The following ITGA7 variants were observed in gnomAD, a reference collection of about 807,000 sequenced individuals.
The protein encoded by ITGA7 is integrin subunit alpha 7.
ITGA7 carries 84 observed loss-of-function variants against 131.6 expected under a neutral mutation model. The ratio of observed to expected loss-of-function variants is 0.64; its 90% CI spans 0.54 to 0.77. The LOEUF (loss-of-function observed/expected upper bound fraction) is 0.77, where lower values mean the gene tolerates loss of function less well. Ranked by LOEUF, ITGA7 falls within the 30% of genes least tolerant of loss-of-function variation. The pLI, the probability that ITGA7 is intolerant of heterozygous loss-of-function variation, is 0.00. For synonymous variants in ITGA7, 548 were observed against 600.7 expected, an observed-to-expected ratio of 0.91 and a Z score of 1.28; for missense variants, 1,399 against 1,482.9, an observed-to-expected ratio of 0.94 and a Z score of 0.93.
At chr12:55,693,343 G>A (rs1312994815) in intron 19 of ITGA7, 26 bp from the exon 20 acceptor site, 2 of 1,583,090 alleles carry the variant, frequency 1.3e-6, no homozygotes, top group Non-Finnish European at 8.7e-7. Context: ...AGTATGAGGG[G>A]AGAGACCTCA....
At position 55,698,375 on chromosome 12, in the gene ITGA7, C is replaced by T. The variant is rs747755175; in HGVS notation, c.1192+8G>A. ...CCCTCCCTGAGCCTTTCCAGTTCCC[C>T]GTCACACCTGGAAAGCCATCTTGGT... On this transcript the variant is annotated splice_region_variant and intron_variant, in intron 7 of 24. Transcript: ENST00000257879. The T allele has an allele frequency of 2.0e-5, 32 of 1,606,190 alleles. No homozygotes were observed. In the East Asian group the frequency reaches 6.5e-4, roughly 33 times the overall value.
chr12:55,696,212 T>C, intron 13 of ITGA7, 71 bp downstream of exon 13: 1 of 1,483,938 alleles, frequency 6.7e-7, no homozygotes, highest in Non-Finnish European at 9.1e-7. Context: ...TGAATTGGTG[T>C]CACTGGGGAG....
rs200714716 is a variant in ITGA7, at chr12:55,697,787, G to A, written c.1317C>T (p.Phe439=). 1.9e-4 allele frequency: 303 copies of A among 1,613,992 alleles called. 1 individual carries two copies. The highest frequency in any genetic ancestry group is 2.2e-4 in the Non-Finnish European group (265 of 1,180,020). Residue 439 remains phenylalanine, a synonymous_variant, in exon 9 of 25, where the codon TTC becomes TTT. Coordinates refer to ENST00000257879, the MANE Select transcript of ITGA7 (RefSeq NM_002206.3). ...CCAAGCTGCCTGACAGGGAGTAGCCGAAGCTCTTGATGCCCACAGCCTCGC... is the reference window on the plus strand; with the variant it reads ...CCAAGCTGCCTGACAGGGAGTAGCCAAAGCTCTTGATGCCCACAGCCTCGC... ...LEGEAVGIKS[F]GYSLSGSLDM...
At chr12:55,698,646 C>G in intron 6 of ITGA7, 64 bp downstream of exon 6, 3 of 1,612,482 alleles carry the variant, frequency 1.9e-6, no homozygotes, top group South Asian at 1.1e-5. Flanking sequence ...GCTAAGTGGC[C>G]TCAGCCAGAC....
chr12:55,716,053 T>C (rs775929732), upstream of ITGA7: 15 of 1,554,362 alleles, frequency 9.7e-6, no homozygotes, highest in African/African-American at 1.2e-4. Flanking sequence ...TCACGTGACA[T>C]GGCCCCGGGG....
At position 55,695,571 on chromosome 12, in the gene ITGA7, C is replaced by A. The variant is rs372579627; in HGVS notation, c.1954G>T (p.Ala652Ser). The change falls in exon 14 of 25, where the codon GCC (alanine) becomes TCC (serine). Residue 652 changes from alanine to serine, a missense_variant. Ala to Ser is a moderately conservative substitution (Grantham distance 99). Coordinates refer to ENST00000257879, the MANE Select transcript of ITGA7 (RefSeq NM_002206.3). ...TCGCTGACCCGGGTACAGAAGCGGG[C>A]GCGGACCAGCTGCAGATTGCTCTGG... ...ICQSNLQLVR[A>S]RFCTRVSDTE... The A allele has an allele frequency of 8.1e-6, 13 of 1,613,536 alleles. No homozygotes were observed. The highest frequency in any genetic ancestry group is 1.3e-5 in the African/African-American group (1 of 74,718).
chr12:55,697,427 AGGTGCC>A lies in ITGA7; in HGVS notation c.1505+18_1505+23del. 1 of 1,609,558 alleles carries A rather than the reference AGGTGCC, an allele frequency of 6.2e-7. No homozygotes were observed. Among genetic ancestry groups the A allele is most frequent in the African/African-American group, 1.3e-5 (1 of 74,962 alleles). On this transcript the variant is annotated intron_variant, in intron 10 of 24. Transcript: ENST00000257879. ...AGGGCAGGGGAAGCTGCCAGGGTCC[AGGTGCC>A]ACCCGATCCCACCTCACCAGACCGA... is the stretch of plus-strand genomic sequence containing the variant.
chr12:55,686,164 C>CCA (rs745475803), intron 24 of ITGA7: 1 of 1,156,684 alleles, frequency 8.6e-7, no homozygotes. Context: ...ACATACATAC[C>CCA]CACACACACT....
Position 55,703,119 on chromosome 12 carries a change from C to G in ITGA7, c.266G>C (p.Gly89Ala). ...GCTCAACGGGCAAGCGAAGAGGCCT[C>G]CAGTGCGATTCGCCTGCTGCCCAGG... ...ALPGQQANRT[G>A]GLFACPLSLE... Residue 89 changes from glycine (G) to alanine (A), a missense_variant, in exon 2 of 25, where the codon GGA becomes GCA. Physicochemically the swap from Gly to Ala is moderately conservative, Grantham distance 60 (BLOSUM62 0). Transcript: ENST00000257879. 6.2e-7 allele frequency: 1 copy of G among 1,613,856 alleles called. No homozygotes were observed. The highest frequency in any genetic ancestry group is 8.5e-7 in the Non-Finnish European group (1 of 1,180,036).
At chr12:55,685,872 G>A (rs1297230967) in intron 24 of ITGA7, among the ~76,000 whole-genome samples, 1 of 152,170 alleles carries the variant, frequency 6.6e-6, no homozygotes, top group Non-Finnish European at 1.5e-5. Context: ...CAGAGGCCCA[G>A]GACTCCTACA....
At chr12:55,691,943 C>T (rs1033301213) in intron 21 of ITGA7, among the ~76,000 whole-genome samples, 2 of 152,250 alleles carry the variant, frequency 1.3e-5, no homozygotes, top group Non-Finnish European at 2.9e-5. Context: ...ATTCTCACTG[C>T]GAGCCCCATC....
At position 55,684,845 on chromosome 12, in the gene ITGA7, G is replaced by A. The variant is rs1869722330; in HGVS notation, c.*213C>T. Reference sequence around the variant, plus strand: ...CCTTCTCACCCTACCCCATGGCCCTGTCCCTGATTTACCCACTCTCATCTC... The same window carrying A: ...CCTTCTCACCCTACCCCATGGCCCTATCCCTGATTTACCCACTCTCATCTC... On this transcript the variant is annotated 3_prime_UTR_variant, in exon 25 of 25. Transcript: ENST00000257879. 8.5e-6 allele frequency: 5 copies of A among 586,326 alleles called. No homozygotes were observed. Among genetic ancestry groups the A allele is most frequent in the African/African-American group, 3.7e-5 (2 of 53,664 alleles). The allele number at this position is 586,326 out of a possible 1,614,324, so 36.3% of individuals were successfully genotyped here.
rs375897994 is a variant in ITGA7, at chr12:55,688,302, T to C, written c.2959-2A>G. The stretch of plus-strand genomic sequence containing the variant: ...CAGGGACTTCACAGCTGAGTACTCC[T>C]AAGGGAACAGGGAAGGAGACCCTTC... On this transcript the variant is annotated splice_acceptor_variant, in intron 22 of 24. Transcript: ENST00000257879. LOFTEE classifies it high-confidence loss of function. 6.2e-7 allele frequency: 1 copy of C among 1,609,590 alleles called. No individual in the cohort carries two copies. The highest frequency in any genetic ancestry group is 1.3e-5 in the African/African-American group (1 of 74,828).
chr12:55,697,992 C>T lies in ITGA7; in HGVS notation c.1227G>A (p.Gly409=). 2 of 1,614,142 alleles carry T rather than the reference C, an allele frequency of 1.2e-6. No individual in the cohort carries two copies. The highest frequency in any genetic ancestry group is 1.7e-6 in the Non-Finnish European group (2 of 1,180,028). ...IAVGAPFDGD[G]KVFIYHGSSL... ...TGCTCCCATGGTAGATGAAGACTTTCCCATCACCATCAAAGGGGGCACCCA... is the reference window on the plus strand; with the variant it reads ...TGCTCCCATGGTAGATGAAGACTTTTCCATCACCATCAAAGGGGGCACCCA... The change falls in exon 8 of 25, where the codon GGG becomes GGA. Residue 409 remains glycine, a synonymous_variant. Coordinates refer to ENST00000257879, the MANE Select transcript of ITGA7 (RefSeq NM_002206.3).
chr12:55,687,487 CTTTTTTTTTTTT>C lies in ITGA7; in HGVS notation c.3183+472_3183+483del, dbSNP rs34640494. 8.4e-5 allele frequency among the ~76,000 whole-genome samples: 5 copies of C among 59,610 alleles called. 1 individual carries two copies. The highest frequency in any genetic ancestry group is 2.4e-4 in the African/African-American group (3 of 12,450). The allele number at this position is 59,610 out of a possible 152,430, so 39.1% of individuals were successfully genotyped here. A position where few individuals can be genotyped will look rare whatever the true frequency, so the allele number is the denominator to read the frequency against. ...TACAGGCATGAGCCACCATGCCCGGCTTTTTTTTTTTTTTTTTTTTTTGAGATGGAGTCTCGC... is the reference window on the plus strand; with the variant it reads ...TACAGGCATGAGCCACCATGCCCGGCTTTTTTTTTTGAGATGGAGTCTCGC... On this transcript the variant is annotated intron_variant, in intron 24 of 24. Transcript: ENST00000257879.
chr12:55,699,751 T>C (rs1873530163), intron 5 of ITGA7, 119 bp downstream of exon 5: 3 of 1,304,756 alleles, frequency 2.3e-6, no homozygotes, highest in South Asian at 1.3e-5. Flanking sequence ...CCAATGTATG[T>C]CTCCCTGGGT....
chr12:55,699,777 A>C, intron 5 of ITGA7, 93 bp downstream of exon 5: 1 of 1,440,318 alleles, frequency 6.9e-7, no homozygotes. Context: ...TTGGGGGAGG[A>C]GGAGATTATA....
chr12:55,704,455 T>C (rs1479678437), intron 1 of ITGA7, among the ~76,000 whole-genome samples: 1 of 152,208 alleles, frequency 6.6e-6, no homozygotes, highest in Non-Finnish European at 1.5e-5. Context: ...ATTGAGAGTC[T>C]ATTGTATGCC....
At chr12:55,689,897 G>T (rs1170689139) in intron 21 of ITGA7, among the ~76,000 whole-genome samples, 1 of 152,210 alleles carries the variant, frequency 6.6e-6, no homozygotes, top group African/African-American at 2.4e-5. Context: ...AATAAATGGT[G>T]CTGGGAAAAC....
Sources: allele counts gnomAD v4.1 joint callset (sites outside exome capture counted in the v4.1 genomes callset), GRCh38; gene constraint gnomAD v4.1.1; transcripts MANE v1.5; gene names NCBI Gene and HGNC (gene_info 2026-07-23, HGNC 2026-07-21).